The following MEI1 variants were observed in gnomAD, a reference collection of about 807,000 sequenced individuals.
MEI1 encodes the protein meiotic double-stranded break formation protein 1, also known as meiosis inhibitor protein 1.
MEI1 carries 103 observed loss-of-function variants against 146.2 expected under a neutral mutation model. That is an observed-to-expected ratio of 0.70 (90% CI 0.60 to 0.83). The LOEUF is 0.83. Ranked by LOEUF, MEI1 falls within the 40% of genes least tolerant of loss-of-function variation. The pLI, the probability that MEI1 is intolerant of heterozygous loss-of-function variation, is 0.00. For missense variants in MEI1, 1,529 were observed against 1,533.0 expected (o/e 1.00, Z 0.04); for synonymous variants, 652 against 628.2 (o/e 1.04, Z -0.57).
chr22:41,784,613 A>AT lies in MEI1; in HGVS notation c.3176dup (p.Cys1061MetfsTer73). 6.2e-7 allele frequency: 1 copy of AT among 1,612,122 alleles called. No individual in the cohort carries two copies. The highest frequency in any genetic ancestry group is 8.5e-7 in the Non-Finnish European group (1 of 1,179,734). On this transcript the variant is annotated frameshift_variant, in exon 26 of 31. Transcript: ENST00000401548. LOFTEE classifies it high-confidence loss of function. ...AAGGAATCTCCTGCTTCCAGCTGCCATCTTATGCTTCCTGCGGACAGCCCT... is the reference window on the plus strand; with the variant it reads ...AAGGAATCTCCTGCTTCCAGCTGCCATTCTTATGCTTCCTGCGGACAGCCCT...
At chr22:41,766,335 C>G (rs1007199327) in intron 19 of MEI1, among the ~76,000 whole-genome samples, 1 of 151,738 alleles carries the variant, frequency 6.6e-6, no homozygotes, top group African/African-American at 2.4e-5. Context: ...CCATGCCTGG[C>G]TAATTTTTGT....
chr22:41,710,564 T>C (rs2147276304), intron 3 of MEI1, among the ~76,000 whole-genome samples: 1 of 152,218 alleles, frequency 6.6e-6, no homozygotes. Context: ...AATAACTGAG[T>C]CTTCAGAGGC....
intron 18 of MEI1, among the ~76,000 whole-genome samples, chr22:41,761,619 A>G (rs1170060512): frequency 6.6e-6 from 1 of 151,790 alleles, no homozygotes; most frequent in Non-Finnish European, 1.5e-5. Flanking sequence ...CGGCCGACTC[A>G]GTCTTAAAAG....
chr22:41,783,059 G>C (rs2075822475), intron 24 of MEI1, among the ~76,000 whole-genome samples: 1 of 152,156 alleles, frequency 6.6e-6, no homozygotes, highest in African/African-American at 2.4e-5. Flanking sequence ...GCCCTCTGCA[G>C]CCTTACTTTC....
intron 15 of MEI1, 31 bp downstream of exon 15, chr22:41,748,249 G>T (rs1238329894): frequency 6.9e-7 from 1 of 1,442,550 alleles, no homozygotes; most frequent in Admixed American, 1.7e-5. Flanking sequence ...GAGGTTGGGA[G>T]GGAGGCAAGC....
At chr22:41,793,784 A>G in intron 26 of MEI1, 45 bp from the exon 27 acceptor site, 1 of 1,517,894 alleles carries the variant, frequency 6.6e-7, no homozygotes, top group Non-Finnish European at 8.8e-7. Context: ...ACCAAAAGCC[A>G]TTGGTAGCAA....
At chr22:41,731,401 TGCAATGGCACAATC>T (rs1337286471) in intron 9 of MEI1, among the ~76,000 whole-genome samples, 2 of 151,090 alleles carry the variant, frequency 1.3e-5, no homozygotes, top group Non-Finnish European at 2.9e-5. Context: ...CAGGCTGGAG[TGCAATGGCACAATC>T]TTGGATCACG....
chr22:41,771,560 C>T (rs1039946046), intron 20 of MEI1, among the ~76,000 whole-genome samples: 5 of 151,904 alleles, frequency 3.3e-5, no homozygotes, highest in Middle Eastern at 3.2e-3. Context: ...CTCAGCCTCC[C>T]GAGTAGCTGG....
At chr22:41,754,216 G>C (rs1350325237) in intron 17 of MEI1, among the ~76,000 whole-genome samples, 170 bp downstream of exon 17, 1 of 152,112 alleles carries the variant, frequency 6.6e-6, no homozygotes, top group Non-Finnish European at 1.5e-5. Flanking sequence ...GGGATATGAA[G>C]TAATAGAACT....
At chr22:41,719,888 A>G (rs775454101) in intron 6 of MEI1, among the ~76,000 whole-genome samples, 33 of 152,200 alleles carry the variant, frequency 2.2e-4, no homozygotes, top group Non-Finnish European at 4.1e-4. Flanking sequence ...TAGAAGCTGT[A>G]GAGAAAAGCA....
intron 1 of MEI1, among the ~76,000 whole-genome samples, chr22:41,700,206 C>T (rs1169413513): frequency 6.6e-6 from 1 of 152,212 alleles, no homozygotes; most frequent in East Asian, 1.9e-4. Context: ...AGTCTGGGCT[C>T]CGAGGGGACA....
chr22:41,792,302 A>T (rs1332507193), intron 26 of MEI1, among the ~76,000 whole-genome samples: 1 of 152,176 alleles, frequency 6.6e-6, no homozygotes, highest in Non-Finnish European at 1.5e-5. Flanking sequence ...AGCTATGCAG[A>T]ATCTTCAGCA....
chr22:41,796,757 GC>G (rs2076373912), intron 30 of MEI1, among the ~76,000 whole-genome samples: 1 of 152,062 alleles, frequency 6.6e-6, no homozygotes, highest in East Asian at 1.9e-4. Flanking sequence ...GACCAGTCTG[GC>G]CAACATGGTG....
chr22:41,798,747 A>C (rs887793063), intron 30 of MEI1, among the ~76,000 whole-genome samples: 3 of 152,104 alleles, frequency 2.0e-5, no homozygotes, highest in African/African-American at 7.2e-5. Flanking sequence ...GCATGCCTGT[A>C]ATCCAAGCTA....
chr22:41,705,401 AC>A, intron 2 of MEI1, 102 bp from the exon 3 acceptor site: 1 of 935,480 alleles, frequency 1.1e-6, no homozygotes, highest in Non-Finnish European at 1.8e-6. Context: ...TGAATTCCTG[AC>A]CTCAGGTAAT....
chr22:41,723,182 A>G (rs974245816), intron 6 of MEI1, among the ~76,000 whole-genome samples: 5 of 150,394 alleles, frequency 3.3e-5, no homozygotes, highest in Admixed American at 2.0e-4. Flanking sequence ...CATTTACATC[A>G]TTTATCACAA....
rs533817526 is a variant in MEI1, at chr22:41,732,495, C to G, written c.1223C>G (p.Thr408Arg). 42 of 1,613,912 alleles carry G rather than the reference C, an allele frequency of 2.6e-5. No homozygotes were observed. The East Asian group carries it at 9.4e-4, about 36-fold the overall frequency. ...CAGCCAGAGGAGATCAAGCTGTTCA[C>G]AAGCTCAGCCATGTGCAGAGATGCT... ...TRQPEEIKLF[T>R]SSAMCRDAGR... The change falls in exon 11 of 31, where the codon ACA (threonine) becomes AGA (arginine). Residue 408 changes from threonine to arginine, a missense_variant. Coordinates refer to ENST00000401548, the MANE Select transcript of MEI1 (RefSeq NM_152513.4).
intron 25 of MEI1, 44 bp from the exon 26 acceptor site, chr22:41,784,564 G>A (rs763139730): frequency 6.2e-7 from 1 of 1,603,678 alleles, no homozygotes; most frequent in South Asian, 1.1e-5. Context: ...GGTGGGAGGT[G>A]GGAAGGAGAC....
chr22:41,773,854 G>A (rs552209813), intron 20 of MEI1, among the ~76,000 whole-genome samples: 5 of 152,256 alleles, frequency 3.3e-5, no homozygotes, highest in South Asian at 4.1e-4. Context: ...CAGCCTGGGC[G>A]ACAGAGCTAG....
Sources: allele counts gnomAD v4.1 joint callset (sites outside exome capture counted in the v4.1 genomes callset), GRCh38; gene constraint gnomAD v4.1.1; transcripts MANE v1.5; gene names NCBI Gene and HGNC (gene_info 2026-07-23, HGNC 2026-07-21).